The following UNC5C variants were observed in gnomAD, a reference collection of about 807,000 sequenced individuals.
UNC5C encodes unc-5 netrin receptor C.
Under a neutral mutation model 99.8 loss-of-function variants are expected in UNC5C, and 47 were observed. That is an observed-to-expected ratio of 0.47 (90% CI 0.37 to 0.60). The LOEUF (loss-of-function observed/expected upper bound fraction) is 0.60. Ranked by LOEUF, UNC5C falls within the 20% of genes least tolerant of loss-of-function variation. The pLI is 0.00. For missense variants in UNC5C, 1,062 were observed against 1,165.9 expected (o/e 0.91, Z 1.30); for synonymous variants, 487 against 452.2 (o/e 1.08, Z -0.98).
At chr4:95,374,522 T>C (rs1209690473) in intron 1 of UNC5C, among the ~76,000 whole-genome samples, 2 of 152,052 alleles carry the variant, frequency 1.3e-5, no homozygotes. Context: ...ATCAGGGATT[T>C]ACACACTGAC....
At chr4:95,478,869 A>T (rs940869730) in intron 1 of UNC5C, among the ~76,000 whole-genome samples, 16 of 151,586 alleles carry the variant, frequency 1.1e-4, no homozygotes, top group African/African-American at 3.9e-4. Flanking sequence ...TGCCTTTATC[A>T]TGGTAATCAG....
chr4:95,201,072 C>A (rs1252523870), intron 12 of UNC5C, among the ~76,000 whole-genome samples: 1 of 152,168 alleles, frequency 6.6e-6, no homozygotes, highest in Non-Finnish European at 1.5e-5. Flanking sequence ...AGAGCCCACC[C>A]ATGCTGGCAT....
intron 1 of UNC5C, among the ~76,000 whole-genome samples, chr4:95,539,061 ACAACTGACCTCTTCTTCAAT>A (rs1273852164): frequency 5.3e-5 from 8 of 152,238 alleles, no homozygotes; most frequent in African/African-American, 1.9e-4. Flanking sequence ...GAAGAACAGT[ACAACTGACCTCTTCTTCAAT>A]CAGCCCACAT....
chr4:95,250,382 C>T, intron 5 of UNC5C, 105 bp downstream of exon 5: 1 of 1,260,030 alleles, frequency 7.9e-7, no homozygotes, highest in Non-Finnish European at 1.1e-6. Context: ...AAGACCCTGT[C>T]TCAAATAATA....
intron 2 of UNC5C, among the ~76,000 whole-genome samples, chr4:95,303,686 G>A (rs1741957866): frequency 6.6e-6 from 1 of 152,034 alleles, no homozygotes; most frequent in African/African-American, 2.4e-5. Flanking sequence ...AAGATTTTCA[G>A]TTTCTTCCTA....
intron 3 of UNC5C, 52 bp from the exon 4 acceptor site, chr4:95,278,414 A>C: frequency 2.0e-4 from 287 of 1,468,992 alleles, no homozygotes; most frequent in Non-Finnish European, 2.4e-4. Flanking sequence ...ACATTTTCTC[A>C]TTTACAGAGA....
chr4:95,174,661 A>C (rs1053028458), intron 14 of UNC5C, among the ~76,000 whole-genome samples: 1 of 150,986 alleles, frequency 6.6e-6, no homozygotes, highest in African/African-American at 2.4e-5. Context: ...CTTTACTTCC[A>C]AGTATGTGGT....
chr4:95,406,643 C>T, intron 1 of UNC5C, among the ~76,000 whole-genome samples: 1 of 152,280 alleles, frequency 6.6e-6, no homozygotes, highest in East Asian at 1.9e-4. Flanking sequence ...CCGTCAGTCC[C>T]TTAAGCCACT....
intron 14 of UNC5C, among the ~76,000 whole-genome samples, chr4:95,181,021 T>G (rs1736591076): frequency 6.6e-6 from 1 of 152,114 alleles, no homozygotes; most frequent in Admixed American, 6.6e-5. Flanking sequence ...AGTACACCCA[T>G]CCACACTCCC....
chr4:95,293,884 C>T (rs1315829113), intron 3 of UNC5C, among the ~76,000 whole-genome samples: 2 of 152,084 alleles, frequency 1.3e-5, no homozygotes, highest in African/African-American at 4.8e-5. Context: ...TGATCTAATA[C>T]ATAATACATG....
At chr4:95,182,487 G>A (rs1036190293) in intron 14 of UNC5C, among the ~76,000 whole-genome samples, 4 of 152,096 alleles carry the variant, frequency 2.6e-5, no homozygotes, top group African/African-American at 9.7e-5. Flanking sequence ...GGGAAAGGGA[G>A]GAGAGTTGCT....
intron 1 of UNC5C, among the ~76,000 whole-genome samples, chr4:95,471,086 T>G (rs1195283153): frequency 6.8e-6 from 1 of 147,932 alleles, no homozygotes; most frequent in Non-Finnish European, 1.5e-5. Context: ...TTCTTAAATT[T>G]AAATATAGGA....
At chr4:95,329,087 T>A (rs1435193861) in intron 2 of UNC5C, among the ~76,000 whole-genome samples, 1 of 152,102 alleles carries the variant, frequency 6.6e-6, no homozygotes, top group Non-Finnish European at 1.5e-5. Flanking sequence ...GCACAGGAGT[T>A]TGGAGACCAG....
intron 14 of UNC5C, among the ~76,000 whole-genome samples, chr4:95,176,838 A>T (rs1579200163): frequency 6.6e-6 from 1 of 152,284 alleles, no homozygotes; most frequent in East Asian, 1.9e-4. Flanking sequence ...CCCCTCCCCC[A>T]GCCTCGCTGC....
chr4:95,380,945 A>G lies in UNC5C; in HGVS notation c.125-45314T>C, dbSNP rs538183914. Among the ~76,000 whole-genome samples, 3 of 152,266 alleles carry G rather than the reference A, an allele frequency of 2.0e-5. No individual in the cohort carries two copies. The East Asian group carries it at 5.8e-4, about 29-fold the overall frequency. ...TATTTTGTGCAATTTTACCATACCA[A>G]TTTAAAACCTTTGTTGCAATGAATA... On this transcript the variant is annotated intron_variant, in intron 1 of 15. Transcript: ENST00000453304.
At chr4:95,261,858 G>A (rs4461530) in intron 4 of UNC5C, among the ~76,000 whole-genome samples, 26,800 of 152,002 alleles carry the variant, frequency 0.18, 3,039 homozygotes, top group Middle Eastern at 0.27. Context: ...GGCATGCCAC[G>A]ATGCCCAGCT....
chr4:95,378,780 G>C (rs1744975042), intron 1 of UNC5C, among the ~76,000 whole-genome samples: 1 of 152,110 alleles, frequency 6.6e-6, no homozygotes, highest in Non-Finnish European at 1.5e-5. Context: ...TTTTACACTA[G>C]TGACTTCCTA....
intron 1 of UNC5C, among the ~76,000 whole-genome samples, chr4:95,488,277 A>G (rs1463197233): frequency 6.6e-6 from 1 of 151,808 alleles, no homozygotes; most frequent in Non-Finnish European, 1.5e-5. Context: ...ATATACTGAC[A>G]ATATTATTCA....
Position 95,250,529 on chromosome 4 carries a change from CAAT to C in UNC5C, c.730_732del (p.Ile244del). ...GCAGTTGTACTTTTCCTCTTGGCAA[CAAT>C]GTTTTTGGCAACACAGGTGTAATTT... On this transcript the variant is annotated inframe_deletion, in exon 5 of 16. Transcript: ENST00000453304. 6.2e-7 allele frequency: 1 copy of C among 1,613,922 alleles called. No individual in the cohort carries two copies. Among genetic ancestry groups the C allele is most frequent in the Non-Finnish European group, 8.5e-7 (1 of 1,179,920 alleles).
Sources: gnomAD v4.1 joint callset for allele counts (sites outside exome capture counted in the v4.1 genomes callset) on GRCh38, gnomAD v4.1.1 for gene constraint, MANE v1.5 for transcripts, NCBI Gene and HGNC (gene_info 2026-07-23, HGNC 2026-07-21) for gene names.